The following CDC42EP4 variants were observed in gnomAD, a reference collection of about 807,000 sequenced individuals.
CDC42EP4 encodes CDC42 effector protein (Rho GTPase binding) 4.
In CDC42EP4, 6 loss-of-function variants were observed where a neutral mutation model predicts 5.6. That is an observed-to-expected ratio of 1.07 (90% CI 0.59 to 2.12). The LOEUF is 2.12. CDC42EP4 is among the 30% of genes most tolerant of loss of function. CDC42EP4 has a pLI of 0.00. For synonymous variants in CDC42EP4, 230 were observed against 224.2 expected (o/e 1.03, Z -0.23); for missense variants, 490 against 508.6 (o/e 0.96, Z 0.35).
chr17:73,298,083 T>A (rs141254588), intron 1 of CDC42EP4, among the ~76,000 whole-genome samples: 34 of 151,826 alleles, frequency 2.2e-4, no homozygotes, highest in African/African-American at 8.2e-4. Context: ...GTTCTCTGGG[T>A]TCGGCAGCCA....
intron 1 of CDC42EP4, among the ~76,000 whole-genome samples, chr17:73,297,099 G>A (rs771164557): frequency 8.7e-5 from 13 of 149,720 alleles, no homozygotes; most frequent in Non-Finnish European, 1.3e-4. Context: ...TTCAAGACCA[G>A]CCTGGCCAAC....
chr17:73,287,485 C>CA (rs1181415621), intron 1 of CDC42EP4, among the ~76,000 whole-genome samples: 1 of 152,014 alleles, frequency 6.6e-6, no homozygotes, highest in African/African-American at 2.4e-5. Context: ...ACCAGAAATC[C>CA]AAAAAACAGC....
At chr17:73,289,715 C>T (rs929166275) in intron 1 of CDC42EP4, among the ~76,000 whole-genome samples, 1 of 53,906 alleles carries the variant, frequency 1.9e-5, no homozygotes, top group African/African-American at 5.2e-5. Context: ...CTGAAGAAAA[C>T]AGGAAGGGAG....
intron 1 of CDC42EP4, among the ~76,000 whole-genome samples, chr17:73,302,818 G>A (rs555692414): frequency 5.9e-5 from 9 of 151,864 alleles, no homozygotes; most frequent in East Asian, 1.9e-4. Context: ...CGAGGCGGGC[G>A]GATCACGAGG....
intron 1 of CDC42EP4, among the ~76,000 whole-genome samples, chr17:73,292,599 G>A (rs534646113): frequency 4.6e-5 from 7 of 152,222 alleles, no homozygotes; most frequent in Admixed American, 1.3e-4. Context: ...GTATGAGTGG[G>A]TGTGGGAGTC....
chr17:73,299,357 G>A (rs985468208), intron 1 of CDC42EP4, among the ~76,000 whole-genome samples: 3 of 144,984 alleles, frequency 2.1e-5, no homozygotes, highest in African/African-American at 7.8e-5. Flanking sequence ...GTGAACCCGG[G>A]AGGCGGAGCT....
chr17:73,301,537 AT>A (rs1341334754), intron 1 of CDC42EP4, among the ~76,000 whole-genome samples: 1 of 152,196 alleles, frequency 6.6e-6, no homozygotes, highest in Non-Finnish European at 1.5e-5. Context: ...TCAGGCAATT[AT>A]GTGCATAACC....
intron 1 of CDC42EP4, among the ~76,000 whole-genome samples, chr17:73,287,357 G>A (rs1028517797): frequency 6.6e-6 from 1 of 152,188 alleles, no homozygotes; most frequent in African/African-American, 2.4e-5. Flanking sequence ...TGGTGTCTCG[G>A]GGAGATCAAG....
chr17:73,310,539 G>A lies in CDC42EP4; in HGVS notation c.-113+1354C>T, dbSNP rs569970833. ...GCAAACAGTGGGCACCGGGCACACAGTAAGGGATGTGGGAGCCGGTCAGAT... is the reference window on the plus strand; with the variant it reads ...GCAAACAGTGGGCACCGGGCACACAATAAGGGATGTGGGAGCCGGTCAGAT... On this transcript the variant is annotated intron_variant, in intron 1 of 1. Transcript: ENST00000335793. Among the ~76,000 whole-genome samples the A allele has an allele frequency of 8.0e-4, 122 of 152,202 alleles. 1 individual carries two copies. The highest frequency in any genetic ancestry group is 2.4e-3 in the African/African-American group (98 of 41,540).
rs558922400 is a variant in CDC42EP4 at position 73,304,574 on chromosome 17, C to T, written c.-113+7319G>A. Among the ~76,000 whole-genome samples, 14 of 138,628 alleles carry T rather than the reference C, an allele frequency of 1.0e-4. No individual in the cohort carries two copies. In the South Asian group the frequency reaches 1.1e-3, roughly 11 times the overall value. The allele number at this position is 138,628 out of a possible 152,430, so 90.9% of individuals were successfully genotyped here. ...GCACGTGCTCTACTCAAGTCACACACGGTTGGTTAGGAGAGAGAGACAAGA... is the reference window on the plus strand; with the variant it reads ...GCACGTGCTCTACTCAAGTCACACATGGTTGGTTAGGAGAGAGAGACAAGA... On this transcript the variant is annotated intron_variant, in intron 1 of 1. Coordinates refer to ENST00000335793, the MANE Select transcript of CDC42EP4 (RefSeq NM_012121.5).
intron 1 of CDC42EP4, among the ~76,000 whole-genome samples, chr17:73,296,121 C>T (rs1015709367): frequency 6.6e-5 from 10 of 151,022 alleles, no homozygotes; most frequent in African/African-American, 2.2e-4. Context: ...CGCAGTGGCT[C>T]ACGCCTGTAA....
At chr17:73,307,758 CTCTTTTTT>C (rs1487594283) in intron 1 of CDC42EP4, among the ~76,000 whole-genome samples, 7 of 110,928 alleles carry the variant, frequency 6.3e-5, no homozygotes, top group African/African-American at 2.3e-4. Context: ...CTGAATTTCT[CTCTTTTTT>C]TTTTTTTTTT....
In CDC42EP4 at chr17:73,285,732, CGGCGTACGGGGGAGCCTG is replaced by C; in HGVS notation, c.751_768del (p.Gln251_Ala256del). 1 of 1,579,070 alleles carries C rather than the reference CGGCGTACGGGGGAGCCTG, an allele frequency of 6.3e-7. No homozygotes were observed. The highest frequency in any genetic ancestry group is 8.6e-7 in the Non-Finnish European group (1 of 1,156,722). ...TGCCTTGCCAGGGGAGGGGCCGCCA[CGGCGTACGGGGGAGCCTG>C]GGTGATGGTGCCAGCGGCGCCCTCA... On this transcript the variant is annotated inframe_deletion, in exon 2 of 2. Coordinates refer to ENST00000335793, the MANE Select transcript of CDC42EP4 (RefSeq NM_012121.5). The surrounding 1 kb of genome is among the most constrained non-coding windows in gnomAD (Gnocchi z 6.8).
rs2062119320 is a variant in CDC42EP4, at chr17:73,284,528, C to T, written c.*902G>A. On this transcript the variant is annotated 3_prime_UTR_variant, in exon 2 of 2. Transcript: ENST00000335793. ...TGTCTTTGCCACGGATGTCCCCAGA[C>T]TCCAGTCCGCTAATCGCCACCAGAC... The T allele has an allele frequency of 6.6e-6, 1 of 151,630 alleles. No homozygotes were observed. The highest frequency in any genetic ancestry group is 1.5e-5 in the Non-Finnish European group (1 of 67,982). The allele number at this position is 151,630 out of a possible 1,614,324, so 9.4% of individuals were successfully genotyped here. A position where few individuals can be genotyped will look rare whatever the true frequency, so the allele number is the denominator to read the frequency against.
chr17:73,287,370 T>TG (rs1568340323), intron 1 of CDC42EP4, among the ~76,000 whole-genome samples: 1 of 152,140 alleles, frequency 6.6e-6, no homozygotes, highest in Non-Finnish European at 1.5e-5. Context: ...AGATCAAGAT[T>TG]GGGCAACTTC....
chr17:73,294,514 A>G (rs1440478501), intron 1 of CDC42EP4, among the ~76,000 whole-genome samples: 1 of 152,192 alleles, frequency 6.6e-6, no homozygotes, highest in Non-Finnish European at 1.5e-5. Flanking sequence ...AAATTAAGGG[A>G]CTTGCCCTAG....
At position 73,286,041 on chromosome 17, in the gene CDC42EP4, C is replaced by T. The variant is rs771224003; in HGVS notation, c.460G>A (p.Asp154Asn). 6.8e-6 allele frequency: 11 copies of T among 1,613,890 alleles called. No homozygotes were observed. Among genetic ancestry groups the T allele is most frequent in the South Asian group, 2.2e-5 (2 of 91,082 alleles). The part of the protein sequence containing the change: ...VKKANDGEGG[D>N]EEAGTEEAVP... The stretch of plus-strand genomic sequence containing the variant: ...GCCTCCTCCGTGCCCGCCTCCTCAT[C>T]GCCGCCCTCCCCGTCATTGGCCTTC... Residue 154 changes from aspartate to asparagine, a missense_variant, in exon 2 of 2, where the codon GAT (aspartate) becomes AAT (asparagine). By Grantham distance (23) the Asp-to-Asn change is conservative (BLOSUM62 1). Transcript: ENST00000335793. This position sits in a 1 kb window ranked among gnomAD's most constrained non-coding sequence, Gnocchi z 7.7.
intron 1 of CDC42EP4, among the ~76,000 whole-genome samples, chr17:73,297,296 A>AG (rs1323969220): frequency 2.0e-5 from 1 of 50,808 alleles, no homozygotes; most frequent in African/African-American, 6.0e-5. Flanking sequence ...CTTCGTCTCC[A>AG]AAAAAAAAAA....
chr17:73,286,632 G>C lies in CDC42EP4; in HGVS notation c.-112-20C>G. 1.5e-6 allele frequency: 1 copy of C among 675,390 alleles called. No individual in the cohort carries two copies. The highest frequency in any genetic ancestry group is 2.5e-6 in the Non-Finnish European group (1 of 406,160). The allele number at this position is 675,390 out of a possible 1,614,324, so 41.8% of individuals were successfully genotyped here. A position where few individuals can be genotyped will look rare whatever the true frequency, so the allele number is the denominator to read the frequency against. On this transcript the variant is annotated intron_variant, in intron 1 of 1. Transcript: ENST00000335793. This position sits in a 1 kb window ranked among gnomAD's most constrained non-coding sequence, Gnocchi z 7.7. Reference sequence around the variant, plus strand: ...ATAAGGCTGCAAGCAGAGAATGAGAGGCAAAGGATTAACGCGGGCTGGCCA... The same window carrying C: ...ATAAGGCTGCAAGCAGAGAATGAGACGCAAAGGATTAACGCGGGCTGGCCA...
Sources: gnomAD v4.1 joint callset for allele counts (sites outside exome capture counted in the v4.1 genomes callset) on GRCh38, gnomAD v4.1.1 for gene constraint, Gnocchi (gnomAD v3.1) non-coding constraint, MANE v1.5 for transcripts, NCBI Gene and HGNC (gene_info 2026-07-23, HGNC 2026-07-21) for gene names.